Variants in CZIB observed in about 807,000 individuals in gnomAD.
CZIB encodes CXXC motif containing zinc binding protein.
In CZIB, 26 loss-of-function variants were observed where a neutral mutation model predicts 28.3. That is an observed-to-expected ratio of 0.92 (90% CI 0.67 to 1.27). The LOEUF (loss-of-function observed/expected upper bound fraction) is 1.27. Ranked by LOEUF, CZIB falls within the 50% of genes most tolerant of loss-of-function variation. The pLI, the probability that CZIB is intolerant of heterozygous loss-of-function variation, is 0.00. For missense variants in CZIB, 179 were observed against 197.3 expected, an observed-to-expected ratio of 0.91 and a Z score of 0.56; for synonymous variants, 78 against 71.1, an observed-to-expected ratio of 1.10 and a Z score of -0.49.
chr1:53,215,892 A>C (rs1464785464), intron 7 of CZIB, 99 bp downstream of exon 7: 14 of 1,272,702 alleles, frequency 1.1e-5, no homozygotes, highest in Middle Eastern at 3.8e-4. Flanking sequence ...AAAAGCACAA[A>C]AATACAGAGT....
In CZIB at chr1:53,220,553, G is replaced by A. The variant is rs1189698587; in HGVS notation, c.6+17C>T. 2 of 1,599,366 alleles carry A rather than the reference G, an allele frequency of 1.3e-6. No individual in the cohort carries two copies. Among genetic ancestry groups the A allele is most frequent in the African/African-American group, 2.7e-5 (2 of 74,902 alleles). Reference sequence around the variant, plus strand: ...CACCTCCCCTCCGTGTCCCCGCGGCGGGCGGCCTCCCCTCACCCCCATGGT... The same window carrying A: ...CACCTCCCCTCCGTGTCCCCGCGGCAGGCGGCCTCCCCTCACCCCCATGGT... On this transcript the variant is annotated intron_variant, in intron 1 of 7. Coordinates refer to ENST00000294360, the MANE Select transcript of CZIB (RefSeq NM_017887.3).
rs369298349 is a variant in CZIB, at chr1:53,220,581, C to A, written c.-6G>T. 3.9e-5 allele frequency: 62 copies of A among 1,597,814 alleles called. No homozygotes were observed. The highest frequency in any genetic ancestry group is 4.8e-5 in the Non-Finnish European group (57 of 1,179,218). On this transcript the variant is annotated 5_prime_UTR_variant, in exon 1 of 8. Transcript: ENST00000294360. ...CGGCCTCCCCTCACCCCCATGGTAG[C>A]CCTCTCCGCCCGGTGCTGGCTGCGG...
intron 2 of CZIB, chr1:53,219,295 G>A: frequency 3.8e-6 from 1 of 266,026 alleles, no homozygotes; most frequent in Non-Finnish European, 7.3e-6. Flanking sequence ...TAGCACTGTA[G>A]GATGACTATA....
chr1:53,217,158 T>G (rs758470103), intron 5 of CZIB: 11 of 317,166 alleles, frequency 3.5e-5, no homozygotes, highest in Admixed American at 9.1e-5. Flanking sequence ...AACTGTCAAA[T>G]AGAGCCGAGG....
Position 53,216,870 on chromosome 1 carries a change from AGT to A in CZIB, c.262-13_262-12del. 1 of 1,613,250 alleles carries A rather than the reference AGT, an allele frequency of 6.2e-7. No homozygotes were observed. Among genetic ancestry groups the A allele is most frequent in the Non-Finnish European group, 8.5e-7 (1 of 1,179,186 alleles). On this transcript the variant is annotated splice_polypyrimidine_tract_variant and intron_variant, in intron 5 of 7. Transcript: ENST00000294360. ...CTCATTGTCTTCAGCCTAGAAAGGA[AGT>A]GTGTTGAGGAGGCAGGCCCAAATGA... is the stretch of plus-strand genomic sequence containing the variant.
chr1:53,216,752 C>G lies in CZIB; in HGVS notation c.339+30G>C, dbSNP rs1003054243. On this transcript the variant is annotated intron_variant, in intron 6 of 7. Transcript: ENST00000294360. ...ACTTCATACATCCCCTCCCCAAAGA[C>G]AAAGATTCCCCAGAAAGATACACAC... is the stretch of plus-strand genomic sequence containing the variant. The G allele has an allele frequency of 3.1e-6, 5 of 1,607,038 alleles. No individual in the cohort carries two copies. In the African/African-American group the frequency reaches 6.7e-5, roughly 22 times the overall value.
intron 1 of CZIB, 81 bp from the exon 2 acceptor site, chr1:53,220,425 G>T: frequency 6.3e-7 from 1 of 1,579,596 alleles, no homozygotes; most frequent in Non-Finnish European, 8.6e-7. Flanking sequence ...ATTCCCAGCC[G>T]TGGGTGCCAC....
In CZIB at chr1:53,218,707, T is replaced by C. The variant is rs1034243075; in HGVS notation, c.147+160A>G. ...CTGCCTCATACCTCAAAGATGCCTA[T>C]TGAATCCAGTGCTGATCACACTGAC... On this transcript the variant is annotated intron_variant, in intron 3 of 7. Transcript: ENST00000294360. 3.1e-5 allele frequency: 25 copies of C among 804,138 alleles called. No individual in the cohort carries two copies. The South Asian group carries it at 3.7e-4, about 12-fold the overall frequency. 49.8% of individuals were successfully genotyped at this position (804,138 alleles called of 1,614,324 possible).
chr1:53,216,584 A>G lies in CZIB; in HGVS notation c.339+198T>C, dbSNP rs535096709. ...GGATGAATAAATTCATAGGGTTACCATAAGAATTAAATGTGGTAACATGTA... is the reference window on the plus strand; with the variant it reads ...GGATGAATAAATTCATAGGGTTACCGTAAGAATTAAATGTGGTAACATGTA... On this transcript the variant is annotated intron_variant, in intron 6 of 7. Transcript: ENST00000294360. Among the ~76,000 whole-genome samples the G allele has an allele frequency of 6.2e-4, 94 of 152,346 alleles. 1 individual carries two copies. In the South Asian group the frequency reaches 0.014, roughly 23 times the overall value.
At chr1:53,216,177 TG>T (rs374880744) in intron 6 of CZIB, 121 bp from the exon 7 acceptor site, 1 of 855,638 alleles carries the variant, frequency 1.2e-6, no homozygotes, top group African/African-American at 1.7e-5. Context: ...AGATGCAGTA[TG>T]AGTACCTGTC....
At chr1:53,219,522 G>C (rs1645504416) in intron 2 of CZIB, 1 of 153,500 alleles carries the variant, frequency 6.5e-6, no homozygotes. Context: ...GACCCACTCT[G>C]CTTGGTTAGC....
intron 2 of CZIB, chr1:53,219,197 C>A: frequency 2.3e-6 from 1 of 427,384 alleles, no homozygotes; most frequent in Non-Finnish European, 4.1e-6. Context: ...GAAATGGTTT[C>A]AGCGGAGGTG....
rs773594781 is a variant in CZIB, at chr1:53,220,353, G to T, written c.7-9C>A. On this transcript the variant is annotated splice_polypyrimidine_tract_variant and intron_variant, in intron 1 of 7. Transcript: ENST00000294360. ...AGTTGCAGCGCGATTTTCTGAGGGGGAGGGCCAGAGCGACTGCGTCAGCCG... is the reference window on the plus strand; with the variant it reads ...AGTTGCAGCGCGATTTTCTGAGGGGTAGGGCCAGAGCGACTGCGTCAGCCG... 6.2e-7 allele frequency: 1 copy of T among 1,611,548 alleles called. No homozygotes were observed. The highest frequency in any genetic ancestry group is 1.7e-5 in the Admixed American group (1 of 60,024).
At position 53,220,358 on chromosome 1, in the gene CZIB, C is replaced by A. The variant is rs770016665; in HGVS notation, c.7-14G>T. 2 of 1,610,740 alleles carry A rather than the reference C, an allele frequency of 1.2e-6. No homozygotes were observed. The highest frequency in any genetic ancestry group is 2.7e-5 in the African/African-American group (2 of 75,070). On this transcript the variant is annotated splice_polypyrimidine_tract_variant and intron_variant, in intron 1 of 7. Coordinates refer to ENST00000294360, the MANE Select transcript of CZIB (RefSeq NM_017887.3). ...CAGCGCGATTTTCTGAGGGGGAGGG[C>A]CAGAGCGACTGCGTCAGCCGTGCCT...
chr1:53,218,884 G>A lies in CZIB; in HGVS notation c.130C>T (p.Gln44Ter). 6.2e-7 allele frequency: 1 copy of A among 1,613,740 alleles called. No individual in the cohort carries two copies. Among genetic ancestry groups the A allele is most frequent in the South Asian group, 1.1e-5 (1 of 91,058 alleles). The change falls in exon 3 of 8, where the codon CAG becomes TAG. Residue 44 changes from glutamine (Q) to a stop codon, truncating the protein, a stop_gained. Coordinates refer to ENST00000294360, the MANE Select transcript of CZIB (RefSeq NM_017887.3). LOFTEE classifies it high-confidence loss of function. ...GNCGEISDKW[Q>*]YIRLMDSVAL... ...ACAGTTACCATCAGCCGGATGTACT[G>A]CCACTTGTCCGAAATCTCACCACAG...
intron 3 of CZIB, 142 bp from the exon 4 acceptor site, chr1:53,218,637 C>A: frequency 3.3e-6 from 3 of 909,488 alleles, no homozygotes; most frequent in Middle Eastern, 4.7e-4. Context: ...CCTGGGAAGG[C>A]TTCCTGAGGA....
At chr1:53,214,771 G>A (rs553576373) in intron 7 of CZIB, 35 bp from the exon 8 acceptor site, 73 of 1,571,120 alleles carry the variant, frequency 4.6e-5, no homozygotes, top group East Asian at 1.1e-4. Flanking sequence ...GCCTCACAAC[G>A]CAGAATGCAG....
In CZIB at chr1:53,214,690, T is replaced by C. The variant is rs770907187; in HGVS notation, c.452A>G (p.Tyr151Cys). The change falls in exon 8 of 8, where the codon TAT (tyrosine) becomes TGT (cysteine). Residue 151 changes from tyrosine (Y) to cysteine (C), a missense_variant. Coordinates refer to ENST00000294360, the MANE Select transcript of CZIB (RefSeq NM_017887.3). ...DEKAQESVGIYEVTHQFVKC is the reference protein window; with the variant it reads ...DEKAQESVGICEVTHQFVKC ...CTTCACAAACTGGTGGGTGACCTCATAGATTCCCACAGACTCCTGGGCCTT... is the reference window on the plus strand; with the variant it reads ...CTTCACAAACTGGTGGGTGACCTCACAGATTCCCACAGACTCCTGGGCCTT... The C allele has an allele frequency of 3.1e-6, 5 of 1,614,122 alleles. No homozygotes were observed. Among genetic ancestry groups the C allele is most frequent in the Non-Finnish European group, 4.2e-6 (5 of 1,180,020 alleles).
rs532503252 is a variant in CZIB, at chr1:53,214,982, A to C, written c.406-246T>G. Among the ~76,000 whole-genome samples, 11 of 152,296 alleles carry C rather than the reference A, an allele frequency of 7.2e-5. No individual in the cohort carries two copies. The South Asian group carries it at 2.3e-3, about 32-fold the overall frequency. Reference sequence around the variant, plus strand: ...CTGTCTTCTATTTAAAAAAAACAAAAACAAAAAAAGGACAATGGAGTTCAT... The same window carrying C: ...CTGTCTTCTATTTAAAAAAAACAAACACAAAAAAAGGACAATGGAGTTCAT... On this transcript the variant is annotated intron_variant, in intron 7 of 7. Transcript: ENST00000294360.
Sources: allele counts gnomAD v4.1 joint callset (sites outside exome capture counted in the v4.1 genomes callset), GRCh38; gene constraint gnomAD v4.1.1; transcripts MANE v1.5; gene names NCBI Gene and HGNC (gene_info 2026-07-23, HGNC 2026-07-21).